The following GSN variants were observed in gnomAD, a reference collection of about 807,000 sequenced individuals.
GSN encodes gelsolin.
In GSN, 56 loss-of-function variants were observed where a neutral mutation model predicts 85.7. The ratio of observed to expected loss-of-function variants is 0.65; its 90% CI spans 0.53 to 0.82. The LOEUF (loss-of-function observed/expected upper bound fraction) is 0.82, where lower values mean the gene tolerates loss of function less well. Ranked by LOEUF, GSN falls within the 40% of genes least tolerant of loss-of-function variation. The pLI is 0.00. For missense variants in GSN, 857 were observed against 979.8 expected (o/e 0.87, Z 1.67); for synonymous variants, 373 against 399.1 (o/e 0.93, Z 0.78).
chr9:121,226,369 A>G (rs773619805), intron 4 of GSN, among the ~76,000 whole-genome samples: 7 of 152,222 alleles, frequency 4.6e-5, no homozygotes, highest in Non-Finnish European at 1.0e-4. Flanking sequence ...AAGGAAAGCT[A>G]TGAGGAAAAG....
intron 2 of GSN, among the ~76,000 whole-genome samples, chr9:121,300,623 TC>T (rs1343897447): frequency 1.3e-5 from 2 of 152,180 alleles, no homozygotes; most frequent in Non-Finnish European, 2.9e-5. Context: ...TGTCCTCGAC[TC>T]CAGCCTAACC....
chr9:121,327,469 A>G lies in GSN; in HGVS notation c.1749A>G (p.Glu583=), dbSNP rs2063359851. ...VLRAQPVQVA[E]GSEPDGFWEA... is the part of the protein sequence containing the mutation. ...GGGCCCAACCTGTGCAGGTGGCAGA[A>G]GGCAGCGAGCCAGGTAGGAGCCGGG... The change falls in exon 14 of 18, where the codon GAA becomes GAG. Residue 583 remains glutamate (E), a synonymous_variant. Coordinates refer to ENST00000432226, the MANE Select transcript of GSN (RefSeq NM_198252.3). 1 of 1,579,220 alleles carries G rather than the reference A, an allele frequency of 6.3e-7. No individual in the cohort carries two copies.
intron 7 of GSN, among the ~76,000 whole-genome samples, chr9:121,316,222 T>C (rs2061686698): frequency 6.6e-6 from 1 of 152,214 alleles, no homozygotes; most frequent in South Asian, 2.1e-4. Context: ...TTTAGAATAA[T>C]TTTTAAGTTT....
At chr9:121,258,395 G>T (rs2055011597) in intron 6 of GSN, among the ~76,000 whole-genome samples, 1 of 151,904 alleles carries the variant, frequency 6.6e-6, no homozygotes, top group Admixed American at 6.6e-5. Flanking sequence ...CCCAGGAGGA[G>T]GAGGTTGCAG....
At chr9:121,257,247 A>G (rs768404841) in intron 6 of GSN, among the ~76,000 whole-genome samples, 1 of 152,352 alleles carries the variant, frequency 6.6e-6, no homozygotes, top group Admixed American at 6.5e-5. Flanking sequence ...CTATAATAAT[A>G]GTAGCTATAA....
chr9:121,236,192 T>C (rs1001428158), intron 5 of GSN, among the ~76,000 whole-genome samples: 1 of 152,158 alleles, frequency 6.6e-6, no homozygotes, highest in Non-Finnish European at 1.5e-5. Context: ...TTTTCCATTA[T>C]TTAACATGTT....
chr9:121,217,207 C>CA (rs972053542), intron 4 of GSN, among the ~76,000 whole-genome samples: 3 of 150,424 alleles, frequency 2.0e-5, no homozygotes, highest in Non-Finnish European at 3.0e-5. Flanking sequence ...ACTAAAAATA[C>CA]AAAAAAAAAT....
intron 2 of GSN, among the ~76,000 whole-genome samples, chr9:121,294,742 G>T (rs1218806267): frequency 1.3e-5 from 2 of 152,216 alleles, no homozygotes; most frequent in African/African-American, 2.4e-5. Context: ...TGGCCTGGTT[G>T]TTGAGAGACC....
chr9:121,224,050 A>G (rs1035805064), intron 4 of GSN, among the ~76,000 whole-genome samples: 77 of 151,948 alleles, frequency 5.1e-4, no homozygotes, highest in African/African-American at 1.7e-3. Flanking sequence ...TGCCAGTCTG[A>G]TAGGTTAAAA....
chr9:121,318,353 G>A lies in GSN; in HGVS notation c.887-53G>A. 1.5e-6 allele frequency: 2 copies of A among 1,368,350 alleles called. No homozygotes were observed. Among genetic ancestry groups the A allele is most frequent in the Non-Finnish European group, 2.1e-6 (2 of 955,484 alleles). 84.8% of individuals were successfully genotyped at this position (1,368,350 alleles called of 1,614,324 possible). ...CTCCTGGACTGTTAAAGGTCAGGAT[G>A]CAGCAGGATCCCGGGCCTCTAACCC... On this transcript the variant is annotated intron_variant, in intron 8 of 17. Coordinates refer to ENST00000432226, the MANE Select transcript of GSN (RefSeq NM_198252.3). The surrounding 1 kb of genome is among the most constrained non-coding windows in gnomAD (Gnocchi z 4.3).
chr9:121,267,816 A>G (rs1373946071), upstream of GSN, among the ~76,000 whole-genome samples: 1 of 151,584 alleles, frequency 6.6e-6, no homozygotes, highest in Non-Finnish European at 1.5e-5. Flanking sequence ...CTAGTTGAGC[A>G]TTGCTCGCTT....
chr9:121,331,320 A>C (rs981350063), intron 16 of GSN, 68 bp from the exon 17 acceptor site: 2 of 959,742 alleles, frequency 2.1e-6, no homozygotes, highest in African/African-American at 3.2e-5. Context: ...GCCCCTCCCC[A>C]GTCTTCCTCC....
At chr9:121,282,716 C>T (rs1169395838) in intron 2 of GSN, 1 of 414,902 alleles carries the variant, frequency 2.4e-6, no homozygotes, top group Non-Finnish European at 4.4e-6. Context: ...GACTTGAGGG[C>T]CGGGTCTTGG....
At chr9:121,303,213 T>C in intron 4 of GSN, 148 bp downstream of exon 4, 1 of 767,564 alleles carries the variant, frequency 1.3e-6, no homozygotes, top group Non-Finnish European at 2.2e-6. Context: ...TGTGTTTAAA[T>C]CCTGGCCTCT....
At chr9:121,224,054 G>C (rs2054224504) in intron 4 of GSN, among the ~76,000 whole-genome samples, 2 of 151,364 alleles carry the variant, frequency 1.3e-5, no homozygotes, top group Admixed American at 6.6e-5. Context: ...AGTCTGATAG[G>C]TTAAAAAAAA....
chr9:121,310,061 GAAAA>G (rs769786648), intron 4 of GSN: 3 of 152,260 alleles, frequency 2.0e-5, no homozygotes, highest in African/African-American at 4.9e-5. Flanking sequence ...ATGAAAGAAA[GAAAA>G]AAAGAAAGGA....
intron 5 of GSN, among the ~76,000 whole-genome samples, chr9:121,235,591 A>G (rs2054476918): frequency 6.6e-6 from 1 of 152,258 alleles, no homozygotes; most frequent in Admixed American, 6.5e-5. Flanking sequence ...GGCCCAGAGC[A>G]GAAGGGCAGC....
intron 4 of GSN, among the ~76,000 whole-genome samples, chr9:121,224,564 A>G (rs1452633916): frequency 1.3e-5 from 2 of 152,104 alleles, no homozygotes; most frequent in Admixed American, 1.3e-4. Flanking sequence ...TAGGGGCAGA[A>G]CTAGGATTCT....
intron 2 of GSN, among the ~76,000 whole-genome samples, chr9:121,296,148 T>C (rs2059200000): frequency 1.3e-5 from 2 of 152,242 alleles, no homozygotes; most frequent in Non-Finnish European, 2.9e-5. Context: ...ATTTAGCCTG[T>C]TACCTGGAAA....
Sources: gnomAD v4.1 joint callset for allele counts (sites outside exome capture counted in the v4.1 genomes callset) on GRCh38, gnomAD v4.1.1 for gene constraint, Gnocchi (gnomAD v3.1) non-coding constraint, MANE v1.5 for transcripts, NCBI Gene and HGNC (gene_info 2026-07-23, HGNC 2026-07-21) for gene names.